Variants in BEND6 observed in about 807,000 individuals in gnomAD.
The protein encoded by BEND6 is BEN domain containing 6, also known as BEN domain-containing protein 6.
Under a neutral mutation model 31.8 loss-of-function variants are expected in BEND6, and 24 were observed. The observed-to-expected ratio is 0.75, with a 90% CI of 0.55 to 1.06. BEND6 has a LOEUF of 1.06. BEND6 is among the 50% of genes least tolerant of loss of function. The pLI is 0.00. For synonymous variants in BEND6, 109 were observed against 114.6 expected (o/e 0.95, Z 0.31); for missense variants, 294 against 327.4 (o/e 0.90, Z 0.79).
At chr6:56,970,923 T>TTGTAAACTAA in intron 1 of BEND6, among the ~76,000 whole-genome samples, 1 of 152,326 alleles carries the variant, frequency 6.6e-6, no homozygotes, top group African/African-American at 2.4e-5. Context: ...AAAACTGTGT[T>TTGTAAACTAA]TTTGTAAACT....
intron 3 of BEND6, chr6:57,008,541 CTGGG>C (rs1486034703): frequency 3.0e-5 from 9 of 301,442 alleles, no homozygotes; most frequent in Non-Finnish European, 1.8e-5. Context: ...TCACTGCAGC[CTGGG>C]TGACAGACAC....
At chr6:57,003,932 A>G (rs1236183878) in intron 3 of BEND6, among the ~76,000 whole-genome samples, 2 of 152,218 alleles carry the variant, frequency 1.3e-5, no homozygotes, top group East Asian at 1.9e-4. Context: ...CAAAAACTTC[A>G]TGATCATCTC....
chr6:56,959,193 G>A (rs1825203031), intron 1 of BEND6, among the ~76,000 whole-genome samples: 1 of 152,142 alleles, frequency 6.6e-6, no homozygotes, highest in Non-Finnish European at 1.5e-5. Flanking sequence ...CTGGTCTCAG[G>A]TTGCTTTAGA....
chr6:57,010,926 A>G, intron 3 of BEND6: 1 of 483,456 alleles, frequency 2.1e-6, no homozygotes. Context: ...CTCAAGAAAA[A>G]TAAAAGATTA....
chr6:56,959,907 C>T (rs933827977), intron 1 of BEND6, among the ~76,000 whole-genome samples: 2 of 152,140 alleles, frequency 1.3e-5, no homozygotes, highest in South Asian at 2.1e-4. Context: ...ACCACACTGC[C>T]GAAGCCATGA....
intron 1 of BEND6, among the ~76,000 whole-genome samples, chr6:56,958,643 A>T (rs1032670509): frequency 3.5e-4 from 53 of 152,238 alleles, no homozygotes; most frequent in Non-Finnish European, 1.6e-4. Context: ...TAATGGAAAT[A>T]GAGGAAATGA....
intron 3 of BEND6, among the ~76,000 whole-genome samples, chr6:56,998,183 A>T (rs146759625): frequency 6.6e-6 from 1 of 152,336 alleles, no homozygotes; most frequent in African/African-American, 2.4e-5. Flanking sequence ...AACTAGGAAG[A>T]TAACAGAAAG....
intron 1 of BEND6, among the ~76,000 whole-genome samples, chr6:56,981,318 G>A (rs1401173367): frequency 6.6e-6 from 1 of 151,958 alleles, no homozygotes; most frequent in African/African-American, 2.4e-5. Context: ...TTTAGTCTTC[G>A]GTTCTTATGA....
At chr6:56,972,858 G>C (rs998179117) in intron 1 of BEND6, among the ~76,000 whole-genome samples, 1 of 152,202 alleles carries the variant, frequency 6.6e-6, no homozygotes, top group Non-Finnish European at 1.5e-5. Flanking sequence ...TCTGGTGAAG[G>C]CTCTATTTCT....
chr6:56,983,552 C>T (rs1000399352), intron 2 of BEND6, among the ~76,000 whole-genome samples: 2 of 152,154 alleles, frequency 1.3e-5, no homozygotes, highest in Non-Finnish European at 2.9e-5. Flanking sequence ...TAAGTGAGAT[C>T]ATGCAATAAT....
intron 1 of BEND6, among the ~76,000 whole-genome samples, chr6:56,960,177 T>C (rs1013480973): frequency 2.6e-5 from 4 of 152,222 alleles, no homozygotes; most frequent in African/African-American, 7.2e-5. Flanking sequence ...AATTTACTCA[T>C]AGTTGTATGA....
chr6:56,975,793 T>G, intron 1 of BEND6: 1 of 532,822 alleles, frequency 1.9e-6, no homozygotes, highest in South Asian at 1.5e-5. Context: ...TGGATGCAAG[T>G]CCTTCCATAA....
At chr6:57,002,011 G>A (rs116498250) in intron 3 of BEND6, among the ~76,000 whole-genome samples, 3 of 152,308 alleles carry the variant, frequency 2.0e-5, no homozygotes, top group Non-Finnish European at 4.4e-5. Context: ...AAAGTAAAGG[G>A]CTAGAGAAGT....
intron 4 of BEND6, among the ~76,000 whole-genome samples, chr6:57,016,643 C>T (rs1409382302): frequency 6.6e-6 from 1 of 152,200 alleles, no homozygotes; most frequent in Non-Finnish European, 1.5e-5. Flanking sequence ...TGAAGTCCCT[C>T]TCACACTTCA....
chr6:57,018,313 A>G (rs1827631757), intron 5 of BEND6, 108 bp from the exon 6 acceptor site: 3 of 1,269,278 alleles, frequency 2.4e-6, no homozygotes, highest in Non-Finnish European at 3.1e-6. Context: ...CTTTTGTAAA[A>G]TGGAAAAAAA....
At chr6:57,005,728 A>G (rs1384541230) in intron 3 of BEND6, among the ~76,000 whole-genome samples, 5 of 151,970 alleles carry the variant, frequency 3.3e-5, no homozygotes, top group Non-Finnish European at 1.5e-5. Flanking sequence ...GAAGAGGCCA[A>G]TTCATCCCCA....
chr6:56,959,902 A>G (rs946349468), intron 1 of BEND6, among the ~76,000 whole-genome samples: 1 of 152,170 alleles, frequency 6.6e-6, no homozygotes, highest in Admixed American at 6.5e-5. Context: ...GGGTTACCAC[A>G]CTGCCGAAGC....
At chr6:56,984,753 G>T (rs900705549) in intron 2 of BEND6, among the ~76,000 whole-genome samples, 17 of 152,018 alleles carry the variant, frequency 1.1e-4, no homozygotes, top group African/African-American at 3.9e-4. Flanking sequence ...TCCAATTTAT[G>T]ACAGTTATCT....
At chr6:56,962,040 C>T (rs1258393143) in intron 1 of BEND6, among the ~76,000 whole-genome samples, 1 of 152,196 alleles carries the variant, frequency 6.6e-6, no homozygotes, top group African/African-American at 2.4e-5. Flanking sequence ...ACCATGAGGG[C>T]TCTGCCCTCA....
Sources: gnomAD v4.1 joint callset for allele counts (sites outside exome capture counted in the v4.1 genomes callset) on GRCh38, gnomAD v4.1.1 for gene constraint, MANE v1.5 for transcripts, NCBI Gene and HGNC (gene_info 2026-07-23, HGNC 2026-07-21) for gene names.